Variants in ZFHX3 observed in about 807,000 individuals in gnomAD.
The protein encoded by ZFHX3 is zinc finger homeobox protein 3.
A neutral mutation model predicts 279.1 loss-of-function variants in ZFHX3; 42 were observed. That is an observed-to-expected ratio of 0.15 (90% CI 0.12 to 0.19). The LOEUF (loss-of-function observed/expected upper bound fraction) is 0.19, where lower values mean the gene tolerates loss of function less well. Ranked by LOEUF, ZFHX3 falls within the 10% of genes least tolerant of loss-of-function variation. ZFHX3 has a pLI of 1.00. For missense variants in ZFHX3, 4,981 were observed against 4,754.0 expected (o/e 1.05, Z -1.40); for synonymous variants, 2,293 against 1,957.8 (o/e 1.17, Z -4.52).
chr16:73,393,521 A>G (rs1395848295), intron 3 of ZFHX3, among the ~76,000 whole-genome samples: 1 of 152,228 alleles, frequency 6.6e-6, no homozygotes, highest in Non-Finnish European at 1.5e-5. Context: ...AGATGAGCAC[A>G]TAACAAAGGT....
At chr16:73,291,799 G>A (rs1243037229) in intron 4 of ZFHX3, among the ~76,000 whole-genome samples, 1 of 152,212 alleles carries the variant, frequency 6.6e-6, no homozygotes, top group South Asian at 2.1e-4. Flanking sequence ...TTCTACATGA[G>A]AGATCTATAT....
chr16:73,124,153 T>C (rs1405577994), intron 7 of ZFHX3, among the ~76,000 whole-genome samples: 1 of 152,202 alleles, frequency 6.6e-6, no homozygotes, highest in Non-Finnish European at 1.5e-5. Context: ...TGTTTTGGCC[T>C]GTTCCGGCTG....
chr16:73,229,220 G>T (rs1368727252), intron 5 of ZFHX3, among the ~76,000 whole-genome samples: 1 of 152,076 alleles, frequency 6.6e-6, no homozygotes, highest in Non-Finnish European at 1.5e-5. Flanking sequence ...CAACAAACTG[G>T]GGATTCTGTC....
At chr16:73,760,400 A>G (rs1172263931) in intron 1 of ZFHX3, among the ~76,000 whole-genome samples, 1 of 152,174 alleles carries the variant, frequency 6.6e-6, no homozygotes, top group East Asian at 1.9e-4. Context: ...ACTATTCCAA[A>G]CAATAGAAAA....
rs550065405 is a variant in ZFHX3 at position 73,472,480 on chromosome 16, A to G, written c.-1546-16222T>C. ...AAAGCTCCACCACATTGGAAGAGAG[A>G]ATTTTCTACTTCACCAGTGGGAAGT... is the stretch of plus-strand genomic sequence containing the variant. On this transcript the variant is annotated intron_variant, in intron 2 of 17. Coordinates refer to the ZFHX3 transcript ENST00000641206. Among the ~76,000 whole-genome samples the G allele has an allele frequency of 2.7e-4, 41 of 152,214 alleles. No homozygotes were observed. In the South Asian group the frequency reaches 8.3e-3, roughly 31 times the overall value.
intron 2 of ZFHX3, among the ~76,000 whole-genome samples, chr16:73,546,671 TTGCTGCTGCTGCTGC>T (rs57427757): frequency 0.014 from 2,032 of 143,500 alleles, 47 homozygotes; most frequent in African/African-American, 0.036. Context: ...GGTGCTGCTG[TTGCTGCTGCTGCTGC>T]TGCTGCTGCT....
chr16:73,566,692 T>C (rs2020455462), intron 2 of ZFHX3, among the ~76,000 whole-genome samples: 1 of 121,902 alleles, frequency 8.2e-6, no homozygotes, highest in African/African-American at 4.0e-5. Context: ...AGCTAACTTT[T>C]TTTTTTTTTT....
chr16:73,216,543 C>A (rs554807012), intron 5 of ZFHX3, among the ~76,000 whole-genome samples: 2 of 152,164 alleles, frequency 1.3e-5, no homozygotes, highest in African/African-American at 4.8e-5. Context: ...CAGCATGAAC[C>A]TATGGTAAAC....
At chr16:73,756,098 T>A (rs190294171) in intron 1 of ZFHX3, among the ~76,000 whole-genome samples, 199 of 152,292 alleles carry the variant, frequency 1.3e-3, no homozygotes, top group African/African-American at 4.5e-3. Context: ...TGATGGCAGC[T>A]TGTTTGATTT....
At position 73,506,319 on chromosome 16, in the gene ZFHX3, C is replaced by T. The variant is rs142761103; in HGVS notation, c.-1546-50061G>A. On this transcript the variant is annotated intron_variant, in intron 2 of 17. Coordinates refer to the ZFHX3 transcript ENST00000641206. ...ATGTAGGAATGCCTAAGAAATCTAA[C>T]GGATGAGCTCTTCCCCATTTTTCTG... is the stretch of plus-strand genomic sequence containing the variant. 1.7e-3 allele frequency among the ~76,000 whole-genome samples: 252 copies of T among 152,310 alleles called. 1 individual carries two copies. The highest frequency in any genetic ancestry group is 5.5e-3 in the African/African-American group (229 of 41,558).
At position 73,541,215 on chromosome 16, in the gene ZFHX3, T is replaced by C. The variant is rs533296191; in HGVS notation, c.-1546-84957A>G. ...CCTCTCCACAGACCCCACGAAGTATTAAACACATGCTATCATCCCAGCACT... is the reference window on the plus strand; with the variant it reads ...CCTCTCCACAGACCCCACGAAGTATCAAACACATGCTATCATCCCAGCACT... On this transcript the variant is annotated intron_variant, in intron 2 of 17. Coordinates refer to the ZFHX3 transcript ENST00000641206. Among the ~76,000 whole-genome samples the C allele has an allele frequency of 3.9e-5, 6 of 152,294 alleles. No individual in the cohort carries two copies. In the East Asian group the frequency reaches 1.2e-3, roughly 29 times the overall value.
chr16:73,338,976 C>G (rs1195309548), intron 3 of ZFHX3, among the ~76,000 whole-genome samples: 1 of 152,168 alleles, frequency 6.6e-6, no homozygotes, highest in East Asian at 1.9e-4. Context: ...GTCTGTTTCC[C>G]TTGGCCTTCC....
At chr16:73,377,990 AC>A (rs1287735106) in intron 3 of ZFHX3, among the ~76,000 whole-genome samples, 1 of 131,394 alleles carries the variant, frequency 7.6e-6, no homozygotes, top group Non-Finnish European at 1.6e-5. Flanking sequence ...CCAAGATTGC[AC>A]CACTGCACTC....
chr16:73,164,375 C>A (rs1255982634), intron 5 of ZFHX3, among the ~76,000 whole-genome samples: 1 of 152,174 alleles, frequency 6.6e-6, no homozygotes, highest in African/African-American at 2.4e-5. Flanking sequence ...AGGACCAGCT[C>A]ATCTCCCAAA....
chr16:73,092,157 T>C (rs9928975), intron 8 of ZFHX3, among the ~76,000 whole-genome samples: 8,009 of 152,284 alleles, frequency 0.053, 692 homozygotes, highest in African/African-American at 0.18. Flanking sequence ...AACACGCAGC[T>C]AGTGCGTAGT....
At chr16:73,596,342 C>A (rs1480192561) in intron 2 of ZFHX3, among the ~76,000 whole-genome samples, 1 of 152,098 alleles carries the variant, frequency 6.6e-6, no homozygotes, top group Admixed American at 6.6e-5. Context: ...ACTTTCTAAT[C>A]TCTTTTGCAT....
chr16:73,768,715 C>T (rs1240468926), intron 1 of ZFHX3, among the ~76,000 whole-genome samples: 2 of 152,140 alleles, frequency 1.3e-5, no homozygotes, highest in Admixed American at 6.5e-5. Context: ...TTTGAGATAA[C>T]AGATTAAATT....
Position 72,788,198 on chromosome 16 carries a change from G to A in ZFHX3, c.10078C>T (p.Leu3360=). The change falls in exon 10 of 10, where the codon CTA becomes TTA. Residue 3360 remains leucine, a synonymous_variant. Coordinates refer to ENST00000268489, the MANE Select transcript of ZFHX3 (RefSeq NM_006885.4). ...QALMGLSPGS[L]LQQYQQYQQS... ...TGGTATTGCTGGTACTGCTGCAGTA[G>A]GGAGCCTGGGGACAGCCCCATCAGG... 6.2e-7 allele frequency: 1 copy of A among 1,612,604 alleles called. No homozygotes were observed. Among genetic ancestry groups the A allele is most frequent in the Non-Finnish European group, 8.5e-7 (1 of 1,179,056 alleles).
chr16:73,763,673 T>C (rs1233535770), intron 1 of ZFHX3, among the ~76,000 whole-genome samples: 1 of 152,140 alleles, frequency 6.6e-6, no homozygotes, highest in Admixed American at 6.5e-5. Flanking sequence ...ACTTGCTTCT[T>C]ATTAACAGAA....
Sources: allele counts gnomAD v4.1 joint callset (sites outside exome capture counted in the v4.1 genomes callset), GRCh38; gene constraint gnomAD v4.1.1; transcripts MANE v1.5; gene names NCBI Gene and HGNC (gene_info 2026-07-23, HGNC 2026-07-21).